Variants in PCYT1A observed in about 807,000 individuals in gnomAD.
PCYT1A encodes the protein choline-phosphate cytidylyltransferase A.
A neutral mutation model predicts 43.7 loss-of-function variants in PCYT1A; 25 were observed. That is an observed-to-expected ratio of 0.57 (90% CI 0.42 to 0.80). PCYT1A has a LOEUF of 0.80. Among genes scored for constraint, PCYT1A ranks in the 30% least tolerant of loss-of-function variants. The pLI, the probability that PCYT1A is intolerant of heterozygous loss-of-function variation, is 0.00. For missense variants in PCYT1A, 421 were observed against 474.2 expected (o/e 0.89, Z 1.04); for synonymous variants, 172 against 170.7 (o/e 1.01, Z -0.06).
At chr3:196,270,955 A>C (rs986199190) in intron 1 of PCYT1A, among the ~76,000 whole-genome samples, 7 of 152,224 alleles carry the variant, frequency 4.6e-5, no homozygotes, top group African/African-American at 1.7e-4. Context: ...TGACTGGTGC[A>C]GGTAGAGAAA....
At chr3:196,262,685 G>C (rs1259926746) in intron 2 of PCYT1A, among the ~76,000 whole-genome samples, 1 of 151,680 alleles carries the variant, frequency 6.6e-6, no homozygotes, top group Non-Finnish European at 1.5e-5. Context: ...GAAAACAAGA[G>C]ATTCTGGCAT....
rs561759904 is a variant in PCYT1A at position 196,265,799 on chromosome 3, G to A, written c.117+4616C>T. Among the ~76,000 whole-genome samples, 6 of 134,728 alleles carry A rather than the reference G, an allele frequency of 4.5e-5. No individual in the cohort carries two copies. In the East Asian group the frequency reaches 1.2e-3, roughly 27 times the overall value. 88.4% of individuals were successfully genotyped at this position (134,728 alleles called of 152,430 possible). A position where few individuals can be genotyped will look rare whatever the true frequency, so the allele number is the denominator to read the frequency against. ...GTCGCCCAAGCTGGAGTGCAGTGGC[G>A]CGATCTCAGCTCACTTGCAAACTCC... is the stretch of plus-strand genomic sequence containing the variant. On this transcript the variant is annotated intron_variant, in intron 2 of 8. Coordinates refer to ENST00000431016, the MANE Select transcript of PCYT1A (RefSeq NM_001312673.2).
In PCYT1A at chr3:196,268,003, T is replaced by C. The variant is rs1725325918; in HGVS notation, c.117+2412A>G. ...GGGTGGATCTCTGACCATTCACCTA[T>C]GCCAAATAGTCTGTGTGTTTCAGGG... On this transcript the variant is annotated intron_variant, in intron 2 of 8. Transcript: ENST00000431016. The surrounding 1 kb of genome is among the most constrained non-coding windows in gnomAD (Gnocchi z 4.4). Among the ~76,000 whole-genome samples the C allele has an allele frequency of 3.9e-5, 6 of 152,256 alleles. No individual in the cohort carries two copies. The South Asian group carries it at 1.2e-3, about 32-fold the overall frequency.
At chr3:196,271,696 C>T (rs1725439422) in intron 1 of PCYT1A, among the ~76,000 whole-genome samples, 1 of 86,872 alleles carries the variant, frequency 1.2e-5, no homozygotes, top group African/African-American at 4.8e-5. Flanking sequence ...TCATAGCACA[C>T]TGTAGCCTCA....
rs1466714700 is a variant in PCYT1A, at chr3:196,239,613, C to T, written c.831G>A (p.Lys277=). ...VEEKSIDLIQ[K]WEEKSREFIG... Reference sequence around the variant, plus strand: ...TGAATTCTCGGGACTTCTCCTCCCACTTCTGAATGAGGTCAATGCTTTTTT... The same window carrying T: ...TGAATTCTCGGGACTTCTCCTCCCATTTCTGAATGAGGTCAATGCTTTTTT... The change falls in exon 8 of 9, where the codon AAG becomes AAA. Residue 277 remains lysine, a synonymous_variant. Coordinates refer to ENST00000431016, the MANE Select transcript of PCYT1A (RefSeq NM_001312673.2). The T allele has an allele frequency of 4.3e-6, 7 of 1,613,130 alleles. No homozygotes were observed. In the African/African-American group the frequency reaches 8.0e-5, roughly 18 times the overall value.
At chr3:196,264,240 CT>C (rs1234904879) in intron 2 of PCYT1A, among the ~76,000 whole-genome samples, 1 of 152,054 alleles carries the variant, frequency 6.6e-6, no homozygotes, top group Non-Finnish European at 1.5e-5. Flanking sequence ...CATTTTACAT[CT>C]TTTTTAAAAA....
At chr3:196,274,719 T>A (rs1303238990) in intron 1 of PCYT1A, among the ~76,000 whole-genome samples, 1 of 152,136 alleles carries the variant, frequency 6.6e-6, no homozygotes, top group Admixed American at 6.5e-5. Flanking sequence ...TTACTTTCTT[T>A]CCTCCGGCTC....
intron 7 of PCYT1A, 149 bp downstream of exon 7, chr3:196,241,799 T>C: frequency 8.3e-7 from 1 of 1,204,584 alleles, no homozygotes; most frequent in East Asian, 2.5e-5. Flanking sequence ...TCATTCTTTT[T>C]GTGAACAGTT....
intron 1 of PCYT1A, among the ~76,000 whole-genome samples, chr3:196,284,476 A>G (rs1725849750): frequency 6.6e-6 from 1 of 152,238 alleles, no homozygotes; most frequent in East Asian, 1.9e-4. Context: ...ACCTCTGGCC[A>G]TGGTTAGAAA....
Position 196,247,457 on chromosome 3 carries a change from G to C in PCYT1A, c.396C>G (p.Arg132=), listed in dbSNP as rs1011571717. The C allele has an allele frequency of 1.9e-6, 3 of 1,614,048 alleles. No individual in the cohort carries two copies. The African/African-American group carries it at 4.0e-5, about 22-fold the overall frequency. The part of the protein sequence containing the change: ...KGFTVMNENE[R]YDAVQHCRYV... ...AGCGGCAGTGCTGGACTGCGTCATAGCGCTCATTCTCGTTCATCACCGTGA... is the reference window on the plus strand; with the variant it reads ...AGCGGCAGTGCTGGACTGCGTCATACCGCTCATTCTCGTTCATCACCGTGA... The change falls in exon 5 of 9, where the codon CGC becomes CGG. Residue 132 remains arginine, a synonymous_variant. Coordinates refer to ENST00000431016, the MANE Select transcript of PCYT1A (RefSeq NM_001312673.2). The surrounding 1 kb of genome is among the most constrained non-coding windows in gnomAD (Gnocchi z 4.8).
Position 196,238,466 on chromosome 3 carries a change from G to A in PCYT1A, c.*222C>T. 2.6e-6 allele frequency: 1 copy of A among 377,538 alleles called. No homozygotes were observed. The highest frequency in any genetic ancestry group is 3.9e-5 in the East Asian group (1 of 25,880). 23.4% of individuals were successfully genotyped at this position (377,538 alleles called of 1,614,324 possible). On this transcript the variant is annotated 3_prime_UTR_variant, in exon 9 of 9. Transcript: ENST00000431016. Reference sequence around the variant, plus strand: ...CCTTGGGGGGGGGTAAATGGATGCAGAGCAGGCTTCTAAGGTGCAGTCCCC... The same window carrying A: ...CCTTGGGGGGGGGTAAATGGATGCAAAGCAGGCTTCTAAGGTGCAGTCCCC...
rs1725625575 is a variant in PCYT1A, at chr3:196,277,561, A to T, written c.-10-7020T>A. 6.6e-6 allele frequency among the ~76,000 whole-genome samples: 1 copy of T among 152,166 alleles called. No individual in the cohort carries two copies. Among genetic ancestry groups the T allele is most frequent in the South Asian group, 2.1e-4 (1 of 4,828 alleles). ...ATTACTCCTCATGACTTTCCTCTAG[A>T]ACTACTGCTGTTTAAACTTTTACTC... On this transcript the variant is annotated intron_variant, in intron 1 of 8. Transcript: ENST00000431016. The surrounding 1 kb of genome is among the most constrained non-coding windows in gnomAD (Gnocchi z 4.1).
intron 8 of PCYT1A, 42 bp from the exon 9 acceptor site, chr3:196,238,936 C>T (rs1044083061): frequency 9.0e-6 from 11 of 1,227,462 alleles, no homozygotes; most frequent in Admixed American, 7.4e-5. Context: ...CACCGTGGAT[C>T]CTACTTAATC....
chr3:196,266,456 G>C (rs1725278179), intron 2 of PCYT1A, among the ~76,000 whole-genome samples: 1 of 151,940 alleles, frequency 6.6e-6, no homozygotes, highest in South Asian at 2.1e-4. Flanking sequence ...CTGGGCGACA[G>C]AGCAAGACTC....
At chr3:196,286,362 G>A (rs2108785559) in intron 1 of PCYT1A, among the ~76,000 whole-genome samples, 1 of 152,250 alleles carries the variant, frequency 6.6e-6, no homozygotes, top group East Asian at 1.9e-4. Flanking sequence ...GTTCCCAATT[G>A]CATCTTTGTA....
chr3:196,271,034 AT>A (rs1194152810), intron 1 of PCYT1A, among the ~76,000 whole-genome samples: 1 of 151,832 alleles, frequency 6.6e-6, no homozygotes, highest in Admixed American at 6.6e-5. Context: ...CTTAACTCTA[AT>A]TTTTTTTAAG....
chr3:196,251,169 CATACACCATGCTGAGGCTGAGGACCAG>C (rs1724765108), intron 3 of PCYT1A, among the ~76,000 whole-genome samples: 3 of 73,928 alleles, frequency 4.1e-5, no homozygotes, highest in Middle Eastern at 0.02. Context: ...CTGAGGATCA[CATACACCATGCTGAGGCTGAGGACCAG>C]ATACACCATG....
At chr3:196,279,475 C>A (rs1324370614) in intron 1 of PCYT1A, among the ~76,000 whole-genome samples, 1 of 152,128 alleles carries the variant, frequency 6.6e-6, no homozygotes, top group African/African-American at 2.4e-5. Flanking sequence ...ATTAGTGTCT[C>A]CAAAGTGCCC....
intron 3 of PCYT1A, among the ~76,000 whole-genome samples, chr3:196,256,217 C>T (rs1724946876): frequency 6.6e-6 from 1 of 152,304 alleles, no homozygotes; most frequent in Middle Eastern, 3.4e-3. Flanking sequence ...CATTGGCCGG[C>T]GCGGTGGCTC....
Sources: allele counts gnomAD v4.1 joint callset (sites outside exome capture counted in the v4.1 genomes callset), GRCh38; gene constraint gnomAD v4.1.1; non-coding constraint Gnocchi (gnomAD v3.1); transcripts MANE v1.5; gene names NCBI Gene and HGNC (gene_info 2026-07-23, HGNC 2026-07-21).